The following PRORP variants were observed in gnomAD, a reference collection of about 807,000 sequenced individuals.
PRORP encodes mitochondrial ribonuclease P catalytic subunit.
PRORP carries 51 observed loss-of-function variants against 59.4 expected under a neutral mutation model. That is an observed-to-expected ratio of 0.86 (90% CI 0.69 to 1.08). PRORP has a LOEUF of 1.08. Ranked by LOEUF, PRORP falls within the 50% of genes least tolerant of loss-of-function variation. PRORP has a pLI of 0.00. For missense variants in PRORP, 646 were observed against 690.3 expected (o/e 0.94, Z 0.72); for synonymous variants, 231 against 245.6 (o/e 0.94, Z 0.55).
chr14:35,202,161 G>A (rs1595297167), intron 5 of PRORP, among the ~76,000 whole-genome samples: 1 of 151,754 alleles, frequency 6.6e-6, no homozygotes, highest in Admixed American at 6.6e-5. Flanking sequence ...AGTAGAGACG[G>A]GGTTTCACCA....
chr14:35,246,775 C>G (rs946380143), intron 5 of PRORP, among the ~76,000 whole-genome samples: 50 of 152,156 alleles, frequency 3.3e-4, no homozygotes, highest in Non-Finnish European at 6.2e-4. Flanking sequence ...ATCACAAAAA[C>G]CACCCAAATG....
chr14:35,153,122 A>T (rs2138905042), intron 4 of PRORP, among the ~76,000 whole-genome samples: 1 of 152,278 alleles, frequency 6.6e-6, no homozygotes, highest in African/African-American at 2.4e-5. Context: ...AGTGAGCGAG[A>T]CTCCGTCTCA....
In PRORP at chr14:35,200,268, C is replaced by T. The variant is rs368141063; in HGVS notation, c.1275+19491C>T. Among the ~76,000 whole-genome samples, 2 of 152,122 alleles carry T rather than the reference C, an allele frequency of 1.3e-5. 1 individual carries two copies. The highest frequency in any genetic ancestry group is 3.8e-4 in the East Asian group (2 of 5,196). On this transcript the variant is annotated intron_variant, in intron 5 of 7. Transcript: ENST00000534898. ...AGTGCTGTGGCACGATCTTGGCTCA[C>T]TGCAACCTCCACCTCCCGGGTTCAA...
intron 4 of PRORP, among the ~76,000 whole-genome samples, chr14:35,149,688 C>T (rs2047696898): frequency 6.6e-6 from 1 of 152,204 alleles, no homozygotes; most frequent in Admixed American, 6.5e-5. Context: ...ATGTTTCATC[C>T]AGACCACCAA....
At chr14:35,154,449 G>A (rs927169541) in intron 4 of PRORP, among the ~76,000 whole-genome samples, 8 of 152,130 alleles carry the variant, frequency 5.3e-5, no homozygotes, top group Non-Finnish European at 1.2e-4. Context: ...TTAGCTATAG[G>A]TTGAAATTTG....
intron 4 of PRORP, among the ~76,000 whole-genome samples, chr14:35,137,515 T>C (rs1162435519): frequency 6.9e-6 from 1 of 144,340 alleles, no homozygotes; most frequent in Non-Finnish European, 1.5e-5. Context: ...GAGAGTCAAG[T>C]AGAGTACTAG....
intron 5 of PRORP, among the ~76,000 whole-genome samples, chr14:35,234,839 C>T (rs1293904968): frequency 6.6e-6 from 1 of 151,770 alleles, no homozygotes; most frequent in Non-Finnish European, 1.5e-5. Flanking sequence ...CCACCATGCC[C>T]AACTAATTTT....
intron 5 of PRORP, among the ~76,000 whole-genome samples, chr14:35,214,822 G>A (rs192088197): frequency 1.3e-3 from 196 of 152,244 alleles, no homozygotes; most frequent in African/African-American, 3.6e-3. Context: ...CAAGAGAATC[G>A]CTTGAACCCA....
At chr14:35,201,528 A>G (rs763914610) in intron 5 of PRORP, among the ~76,000 whole-genome samples, 3 of 150,826 alleles carry the variant, frequency 2.0e-5, no homozygotes, top group African/African-American at 7.3e-5. Flanking sequence ...ACCTTTGGCC[A>G]TTGCAAGCTT....
In PRORP at chr14:35,273,626, T is replaced by C. The variant is rs1389879941; in HGVS notation, c.*60T>C. ...TACCCTCTAGGTTGGCATCAGAGGC[T>C]CTTGAGCTGGTGTTTGTTTAGGGCA... On this transcript the variant is annotated 3_prime_UTR_variant, in exon 8 of 8. Coordinates refer to ENST00000534898, the MANE Select transcript of PRORP (RefSeq NM_014672.4). 1 of 1,521,560 alleles carries C rather than the reference T, an allele frequency of 6.6e-7. No homozygotes were observed. The highest frequency in any genetic ancestry group is 8.9e-7 in the Non-Finnish European group (1 of 1,127,240). The allele number at this position is 1,521,560 out of a possible 1,614,324, so 94.3% of individuals were successfully genotyped here. A position where few individuals can be genotyped will look rare whatever the true frequency, so the allele number is the denominator to read the frequency against.
chr14:35,212,751 T>C (rs1487799052), intron 5 of PRORP, among the ~76,000 whole-genome samples: 1 of 152,190 alleles, frequency 6.6e-6, no homozygotes, highest in Non-Finnish European at 1.5e-5. Context: ...GAGTGAGCAT[T>C]GGCTTCAACT....
intron 4 of PRORP, among the ~76,000 whole-genome samples, chr14:35,155,787 A>G (rs2047900232): frequency 6.6e-6 from 1 of 152,014 alleles, no homozygotes; most frequent in African/African-American, 2.4e-5. Context: ...CAGAAATACC[A>G]CTATAGAGAA....
At chr14:35,179,252 G>A (rs1173214295) in intron 4 of PRORP, among the ~76,000 whole-genome samples, 1 of 152,072 alleles carries the variant, frequency 6.6e-6, no homozygotes, top group Non-Finnish European at 1.5e-5. Flanking sequence ...TATCTTTGTG[G>A]CATTCTCTGT....
Position 35,273,493 on chromosome 14 carries a change from A to C in PRORP, c.1679A>C (p.Tyr560Ser). The change falls in exon 8 of 8, where the codon TAT (tyrosine) becomes TCT (serine). Residue 560 changes from tyrosine (Y) to serine (S), a missense_variant. Transcript: ENST00000534898. ...QTTGDSWHIP[Y>S]DEDLVERCSC... ...ACTGGAGACTCGTGGCACATACCAT[A>C]TGATGAAGACTTGGTAGAAAGATGT... 1 of 1,613,706 alleles carries C rather than the reference A, an allele frequency of 6.2e-7. No homozygotes were observed. The highest frequency in any genetic ancestry group is 8.5e-7 in the Non-Finnish European group (1 of 1,179,806).
rs143311469 is a variant in PRORP at position 35,123,876 on chromosome 14, A to T, written c.631A>T (p.Arg211Ter). The change falls in exon 2 of 8, where the codon AGA becomes TGA. Residue 211 changes from arginine to a stop codon, truncating the protein, a stop_gained. Coordinates refer to ENST00000534898, the MANE Select transcript of PRORP (RefSeq NM_014672.4). LOFTEE classifies it high-confidence loss of function. ...AGCCAGATATAAGACTTTAGAACCT[A>T]GAGGTTACAGTCTTCTCATCCGGGG... The part of the protein sequence containing the change: ...MKARYKTLEP[R>*]GYSLLIRGLI... 1 of 1,614,186 alleles carries T rather than the reference A, an allele frequency of 6.2e-7. No homozygotes were observed. The highest frequency in any genetic ancestry group is 8.5e-7 in the Non-Finnish European group (1 of 1,180,028).
chr14:35,233,696 A>G (rs2050137921), intron 5 of PRORP, among the ~76,000 whole-genome samples: 1 of 151,664 alleles, frequency 6.6e-6, no homozygotes, highest in Admixed American at 6.6e-5. Context: ...TAGTTCTCTA[A>G]TTTTTTTCGT....
chr14:35,195,228 C>G (rs1220887178), intron 5 of PRORP, among the ~76,000 whole-genome samples: 3 of 152,052 alleles, frequency 2.0e-5, no homozygotes, highest in Non-Finnish European at 4.4e-5. Flanking sequence ...GTATCAGTTC[C>G]ACTTTCAGAA....
Position 35,180,774 on chromosome 14 carries a change from A to C in PRORP, c.1272A>C (p.Gln424His). ...TGTTTCCTAAAGTTCGTGAATCTCA[A>C]CTTGTAAGTATAAGTTTTACTTTGT... ...AKMFPKVRES[Q>H]LLLNVVSQLA... The change falls in exon 5 of 8, where the codon CAA becomes CAC. Residue 424 changes from glutamine (Q) to histidine (H), a missense_variant. Physicochemically the swap from Gln to His is conservative, Grantham distance 24. Coordinates refer to ENST00000534898, the MANE Select transcript of PRORP (RefSeq NM_014672.4). 2 of 1,577,562 alleles carry C rather than the reference A, an allele frequency of 1.3e-6. No individual in the cohort carries two copies. Among genetic ancestry groups the C allele is most frequent in the South Asian group, 1.1e-5 (1 of 89,978 alleles).
At chr14:35,166,154 T>G (rs2048179720) in intron 4 of PRORP, among the ~76,000 whole-genome samples, 1 of 152,200 alleles carries the variant, frequency 6.6e-6, no homozygotes, top group African/African-American at 2.4e-5. Flanking sequence ...CTTTTTCTTC[T>G]TTTCTTCTGC....
Sources: gnomAD v4.1 joint callset for allele counts (sites outside exome capture counted in the v4.1 genomes callset) on GRCh38, gnomAD v4.1.1 for gene constraint, MANE v1.5 for transcripts, NCBI Gene and HGNC (gene_info 2026-07-23, HGNC 2026-07-21) for gene names.